GATAD1: variants seen among roughly 807,000 people sequenced by gnomAD.
The protein encoded by GATAD1 is GATA zinc finger domain containing 1.
GATAD1 carries 12 observed loss-of-function variants against 26.5 expected under a neutral mutation model. The ratio of observed to expected loss-of-function variants is 0.45; its 90% CI spans 0.29 to 0.73. The LOEUF (loss-of-function observed/expected upper bound fraction) is 0.73. Among genes scored for constraint, GATAD1 ranks in the 30% least tolerant of loss-of-function variants. GATAD1 has a pLI of 0.10. For missense variants in GATAD1, 266 were observed against 342.1 expected, an observed-to-expected ratio of 0.78 and a Z score of 1.75; for synonymous variants, 129 against 133.1, an observed-to-expected ratio of 0.97 and a Z score of 0.21.
At chr7:92,465,904 G>C in the GATAD1 span, among the ~76,000 whole-genome samples, 1 of 152,114 alleles carries the variant, frequency 6.6e-6, no homozygotes, top group Non-Finnish European at 1.5e-5. Context: ...AGGAGGCTGA[G>C]GCAGGAGAAT....
rs562616048 is a variant in GATAD1 at position 92,455,554 on chromosome 7, T to C, written c.620-818T>C. 5.9e-5 allele frequency among the ~76,000 whole-genome samples: 9 copies of C among 152,334 alleles called. No homozygotes were observed. The South Asian group carries it at 1.9e-3, about 32-fold the overall frequency. On this transcript the variant is annotated intron_variant, in intron 4 of 4. Transcript: ENST00000287957. ...CTGCCAAAACAGTTGTGAGATAGAC[T>C]CACAAGAATTTACTGATTAATACAA... is the stretch of plus-strand genomic sequence containing the variant.
At position 92,451,450 on chromosome 7, in the gene GATAD1, T is replaced by G. The variant is rs531042258; in HGVS notation, c.435+690T>G. Among the ~76,000 whole-genome samples the G allele has an allele frequency of 6.6e-5, 10 of 152,334 alleles. No homozygotes were observed. The South Asian group carries it at 2.1e-3, about 32-fold the overall frequency. ...CAGGCAGCAACCATTGAAGGCTATTTGGTGTTTCGGGATCTGAACTGTCAT... is the reference window on the plus strand; with the variant it reads ...CAGGCAGCAACCATTGAAGGCTATTGGGTGTTTCGGGATCTGAACTGTCAT... On this transcript the variant is annotated intron_variant, in intron 3 of 4. Transcript: ENST00000287957.
chr7:92,490,632 CAA>C, the GATAD1 span, among the ~76,000 whole-genome samples: 382 of 79,630 alleles, frequency 4.8e-3, 1 homozygote, highest in South Asian at 0.019. Context: ...GAGACTGTCT[CAA>C]AAAAAAAAAA....
rs1234834943 is a variant in GATAD1, at chr7:92,456,614, A to T, written c.*52A>T. On this transcript the variant is annotated 3_prime_UTR_variant, in exon 5 of 5. Transcript: ENST00000287957. ...GCCTGGTGTGGTGGCTCACGCCTGT[A>T]GCCCCAGCTATTGCACCACTGCTCT... 1 of 1,154,136 alleles carries T rather than the reference A, an allele frequency of 8.7e-7. No individual in the cohort carries two copies. Among genetic ancestry groups the T allele is most frequent in the Non-Finnish European group, 1.3e-6 (1 of 787,302 alleles). The allele number at this position is 1,154,136 out of a possible 1,614,324, so 71.5% of individuals were successfully genotyped here. A position where few individuals can be genotyped will look rare whatever the true frequency, so the allele number is the denominator to read the frequency against.
chr7:92,491,690 A>G, the GATAD1 span: 2 of 564,946 alleles, frequency 3.5e-6, no homozygotes, highest in Middle Eastern at 4.8e-4. Context: ...TTATAAAGAC[A>G]AGATAGAATG....
rs962133224 is a variant in GATAD1, at chr7:92,457,213, C to T, written c.*651C>T. ...GCACAGTGGCTCACGCCTTTAATCC[C>T]AGCACTTTGGGAGGCTGAGGCAGAT... On this transcript the variant is annotated 3_prime_UTR_variant, in exon 5 of 5. Transcript: ENST00000287957. 2.0e-5 allele frequency: 3 copies of T among 149,202 alleles called. No individual in the cohort carries two copies. The highest frequency in any genetic ancestry group is 7.4e-5 in the African/African-American group (3 of 40,276). 9.2% of individuals were successfully genotyped at this position (149,202 alleles called of 1,614,324 possible).
At chr7:92,489,663 A>T in the GATAD1 span, 1 of 1,520,902 alleles carries the variant, frequency 6.6e-7, no homozygotes, top group East Asian at 2.3e-5. Flanking sequence ...AAAAGGGTGA[A>T]ACAATTTTTA....
the GATAD1 span, among the ~76,000 whole-genome samples, chr7:92,473,734 G>A: frequency 1.3e-5 from 2 of 151,938 alleles, no homozygotes; most frequent in African/African-American, 4.8e-5. Flanking sequence ...GATAGTGACA[G>A]ATCTGGAGGA....
At chr7:92,448,604 C>T (rs955908029) in intron 1 of GATAD1, 148 bp from the exon 2 acceptor site, 1 of 691,694 alleles carries the variant, frequency 1.4e-6, no homozygotes, top group Non-Finnish European at 2.5e-6. Flanking sequence ...GCTGTAATTA[C>T]TTCTCTTGAA....
the GATAD1 span, among the ~76,000 whole-genome samples, chr7:92,484,454 A>AATGG: frequency 6.6e-6 from 1 of 152,128 alleles, no homozygotes; most frequent in Non-Finnish European, 1.5e-5. Flanking sequence ...ATCAGACACC[A>AATGG]ATGGAGTGTG....
At chr7:92,455,403 A>G (rs531114785) in intron 4 of GATAD1, among the ~76,000 whole-genome samples, 6 of 152,314 alleles carry the variant, frequency 3.9e-5, no homozygotes, top group South Asian at 2.1e-4. Flanking sequence ...GAACTATCCC[A>G]GTTATCCCAT....
At chr7:92,470,518 C>T in the GATAD1 span, 461 of 592,996 alleles carry the variant, frequency 7.8e-4, 2 homozygotes, top group African/African-American at 7.3e-3. Flanking sequence ...GGATTTGACT[C>T]AAGTGTGATG....
chr7:92,490,249 A>G, the GATAD1 span: 1 of 287,710 alleles, frequency 3.5e-6, no homozygotes, highest in Admixed American at 4.9e-5. Flanking sequence ...GACATTTCTA[A>G]ATAGAATAAA....
chr7:92,487,336 T>G, the GATAD1 span: 1 of 618,804 alleles, frequency 1.6e-6, no homozygotes, highest in Non-Finnish European at 2.9e-6. Flanking sequence ...ATCTGTGATT[T>G]TATAAATTAA....
At chr7:92,462,063 CTTAAAAGTA>C (rs1270320701), downstream of GATAD1, among the ~76,000 whole-genome samples, 2 of 152,102 alleles carry the variant, frequency 1.3e-5, no homozygotes, top group Admixed American at 6.5e-5. Flanking sequence ...TATCTATAAT[CTTAAAAGTA>C]TTAAAAGTAC....
the GATAD1 span, chr7:92,489,495 A>G: frequency 1.2e-5 from 16 of 1,349,358 alleles, no homozygotes; most frequent in Admixed American, 3.7e-5. Context: ...TCCAGTTGTT[A>G]CTTCTTATTG....
chr7:92,495,582 T>A, the GATAD1 span, among the ~76,000 whole-genome samples: 1 of 152,178 alleles, frequency 6.6e-6, no homozygotes, highest in Non-Finnish European at 1.5e-5. Context: ...AGTTTTCAAA[T>A]GTATTGGCAT....
At chr7:92,476,776 G>A in the GATAD1 span, among the ~76,000 whole-genome samples, 1 of 151,980 alleles carries the variant, frequency 6.6e-6, no homozygotes, top group South Asian at 2.1e-4. Flanking sequence ...CTACATAACT[G>A]CCCATGTCAA....
At chr7:92,448,443 A>G (rs1789267886) in intron 1 of GATAD1, among the ~76,000 whole-genome samples, 1 of 152,198 alleles carries the variant, frequency 6.6e-6, no homozygotes, top group Admixed American at 6.5e-5. Flanking sequence ...GACACAACAA[A>G]TGAATAGTGT....
Sources: gnomAD v4.1 joint callset for allele counts (sites outside exome capture counted in the v4.1 genomes callset) on GRCh38, gnomAD v4.1.1 for gene constraint, MANE v1.5 for transcripts, NCBI Gene and HGNC (gene_info 2026-07-23, HGNC 2026-07-21) for gene names.